ARK2C: variants seen among roughly 807,000 people sequenced by gnomAD.
The protein encoded by ARK2C is arkadia (RNF111) C-terminal like ring finger ubiquitin ligase 2C.
the ARK2C span, among the ~76,000 whole-genome samples, chr18:46,374,858 C>T: frequency 1.3e-5 from 2 of 152,266 alleles, no homozygotes; most frequent in African/African-American, 2.4e-5. Flanking sequence ...GAGAGAGGGG[C>T]CGATTTGATT....
At chr18:46,418,541 A>C in the ARK2C span, among the ~76,000 whole-genome samples, 5 of 152,242 alleles carry the variant, frequency 3.3e-5, no homozygotes, top group Non-Finnish European at 7.3e-5. Flanking sequence ...AATTTGAACT[A>C]GCCATATTTC....
chr18:46,452,255 G>C, the ARK2C span, among the ~76,000 whole-genome samples: 5 of 152,260 alleles, frequency 3.3e-5, no homozygotes, highest in South Asian at 6.2e-4. Context: ...TAGGGTATAT[G>C]GGAAAACACT....
chr18:46,431,314 C>A, the ARK2C span, among the ~76,000 whole-genome samples: 1 of 152,268 alleles, frequency 6.6e-6, no homozygotes, highest in Admixed American at 6.5e-5. Context: ...TCTGTTCATG[C>A]CAAAGAGTAG....
chr18:46,357,329 C>T, the ARK2C span, among the ~76,000 whole-genome samples: 1 of 152,158 alleles, frequency 6.6e-6, no homozygotes, highest in Non-Finnish European at 1.5e-5. Context: ...TGAACAGAGC[C>T]CAGGTGGTCC....
At chr18:46,350,785 A>C in the ARK2C span, among the ~76,000 whole-genome samples, 6 of 152,358 alleles carry the variant, frequency 3.9e-5, no homozygotes, top group South Asian at 1.2e-3. Flanking sequence ...TGTCCTAACA[A>C]GCTGGCGAGC....
At chr18:46,363,111 CATA>C in the ARK2C span, among the ~76,000 whole-genome samples, 3,874 of 152,304 alleles carry the variant, frequency 0.025, 90 homozygotes, top group East Asian at 0.12. Context: ...CAGTGCTGAA[CATA>C]ATAAGTGCTC....
chr18:46,374,428 C>T, the ARK2C span, among the ~76,000 whole-genome samples: 9 of 152,108 alleles, frequency 5.9e-5, no homozygotes, highest in African/African-American at 2.2e-4. Flanking sequence ...ATTCTCCTCC[C>T]GCCAGCCCCT....
At chr18:46,419,444 A>G in the ARK2C span, among the ~76,000 whole-genome samples, 1 of 152,242 alleles carries the variant, frequency 6.6e-6, no homozygotes, top group African/African-American at 2.4e-5. Flanking sequence ...TGTTTTGCAG[A>G]TTGGAAAGCT....
the ARK2C span, among the ~76,000 whole-genome samples, chr18:46,391,929 C>T: frequency 6.6e-6 from 1 of 151,648 alleles, no homozygotes; most frequent in Non-Finnish European, 1.5e-5. Flanking sequence ...TACACGTACA[C>T]CATGCACACA....
the ARK2C span, among the ~76,000 whole-genome samples, chr18:46,414,980 T>C: frequency 6.6e-6 from 1 of 152,200 alleles, no homozygotes; most frequent in Admixed American, 6.5e-5. Context: ...TGGGCCTTTA[T>C]TCTCAGCTCA....
At chr18:46,433,886 C>G in the ARK2C span, among the ~76,000 whole-genome samples, 1 of 152,298 alleles carries the variant, frequency 6.6e-6, no homozygotes, top group East Asian at 1.9e-4. Context: ...CTAGGGAACT[C>G]CTCATGTCCC....
At chr18:46,441,882 A>G in the ARK2C span, among the ~76,000 whole-genome samples, 1 of 134,492 alleles carries the variant, frequency 7.4e-6, no homozygotes, top group Non-Finnish European at 1.6e-5. Flanking sequence ...AAAAAAAAAG[A>G]GGCCGGGCGC....
chr18:46,413,552 GTC>G, the ARK2C span, among the ~76,000 whole-genome samples: 1 of 152,046 alleles, frequency 6.6e-6, no homozygotes, highest in Admixed American at 6.5e-5. Context: ...CTTTCTTTGA[GTC>G]TCAGTTTACT....
chr18:46,348,375 GGCCAGCGTTGCT>G, the ARK2C span, among the ~76,000 whole-genome samples: 1 of 152,174 alleles, frequency 6.6e-6, no homozygotes, highest in Non-Finnish European at 1.5e-5. Context: ...TTTGCCTATT[GGCCAGCGTTGCT>G]GGTGGTTGAT....
At chr18:46,387,368 T>C in the ARK2C span, among the ~76,000 whole-genome samples, 2 of 152,218 alleles carry the variant, frequency 1.3e-5, no homozygotes, top group African/African-American at 4.8e-5. Context: ...CACTCTGAAG[T>C]AAGGAAAGCA....
chr18:46,355,051 G>A, the ARK2C span, among the ~76,000 whole-genome samples: 1 of 152,144 alleles, frequency 6.6e-6, no homozygotes, highest in Admixed American at 6.5e-5. Context: ...CCAGGTTCAA[G>A]CAATTATCTT....
chr18:46,456,011 G>A, the ARK2C span: 8 of 1,613,546 alleles, frequency 5.0e-6, no homozygotes, highest in South Asian at 5.5e-5. Context: ...AAGGATGAGG[G>A]GGAGGAGTCA....
chr18:46,387,726 C>A, the ARK2C span, among the ~76,000 whole-genome samples: 1 of 152,252 alleles, frequency 6.6e-6, no homozygotes, highest in Non-Finnish European at 1.5e-5. Context: ...AACGCTGGGA[C>A]GGGAGAAGCT....
the ARK2C span, among the ~76,000 whole-genome samples, chr18:46,421,936 TCACTTTCTTTCTAG>T: frequency 5.9e-5 from 9 of 152,160 alleles, no homozygotes; most frequent in African/African-American, 2.2e-4. Flanking sequence ...TTTGGGCATA[TCACTTTCTTTCTAG>T]GCCCTTGGCA....
Sources: allele counts gnomAD v4.1 joint callset (sites outside exome capture counted in the v4.1 genomes callset), GRCh38; gene constraint gnomAD v4.1.1; transcripts MANE v1.5; gene names NCBI Gene and HGNC (gene_info 2026-07-23, HGNC 2026-07-21).